Variants in ABL1 observed in about 807,000 individuals in gnomAD.
ABL1 encodes the protein ABL proto-oncogene 1, non-receptor tyrosine kinase, also known as tyrosine-protein kinase ABL1.
A neutral mutation model predicts 94.7 loss-of-function variants in ABL1; 11 were observed. That is an observed-to-expected ratio of 0.12 (90% confidence interval 0.07 to 0.19). The LOEUF (loss-of-function observed/expected upper bound fraction) is 0.19. Ranked by LOEUF, ABL1 falls within the 10% of genes least tolerant of loss-of-function variation. The pLI is 1.00. For synonymous variants in ABL1, 656 were observed against 622.4 expected, an observed-to-expected ratio of 1.05 and a Z score of -0.80; for missense variants, 1,082 against 1,489.4, an observed-to-expected ratio of 0.73 and a Z score of 4.50.
intron 1 of ABL1, among the ~76,000 whole-genome samples, chr9:130,742,169 C>T (rs2583840): frequency 0.52 from 78,939 of 151,778 alleles, 22,095 homozygotes; most frequent in African/African-American, 0.73. Context: ...GGATGGCTGT[C>T]TGTGAGGAGT....
At chr9:130,864,313 T>A (rs2132976592) in intron 4 of ABL1, among the ~76,000 whole-genome samples, 1 of 152,310 alleles carries the variant, frequency 6.6e-6, no homozygotes, top group African/African-American at 2.4e-5. Context: ...TGGCATGATC[T>A]CAGCTCACTG....
intron 1 of ABL1, among the ~76,000 whole-genome samples, chr9:130,815,771 C>T (rs1054875884): frequency 1.3e-5 from 2 of 152,172 alleles, no homozygotes; most frequent in African/African-American, 4.8e-5. Context: ...CCTGTAATCC[C>T]AGCACTTTGG....
At chr9:130,839,124 T>C (rs927535035) in intron 1 of ABL1, among the ~76,000 whole-genome samples, 3 of 151,732 alleles carry the variant, frequency 2.0e-5, no homozygotes, top group African/African-American at 7.3e-5. Context: ...TTTTTACTAG[T>C]TTGCCCGGGC....
chr9:130,721,097 G>A (rs1831508605), intron 1 of ABL1, among the ~76,000 whole-genome samples: 1 of 152,038 alleles, frequency 6.6e-6, no homozygotes, highest in Admixed American at 6.6e-5. Context: ...CAACACTGTA[G>A]GCCGGGCGCT....
chr9:130,809,263 A>G (rs898515140), intron 1 of ABL1, among the ~76,000 whole-genome samples: 1 of 152,158 alleles, frequency 6.6e-6, no homozygotes, highest in Non-Finnish European at 1.5e-5. Context: ...AGAGAGAACC[A>G]TTTACGGAGT....
intron 4 of ABL1, among the ~76,000 whole-genome samples, chr9:130,870,745 A>T (rs574994088): frequency 1.3e-5 from 2 of 152,312 alleles, no homozygotes; most frequent in Admixed American, 6.5e-5. Context: ...TTTAATTGAC[A>T]TTAAGAGCAG....
intron 1 of ABL1, among the ~76,000 whole-genome samples, chr9:130,728,381 T>C (rs1013459164): frequency 1.3e-5 from 2 of 149,932 alleles, no homozygotes; most frequent in Non-Finnish European, 3.0e-5. Flanking sequence ...TTTTTTTTTT[T>C]TTCTTTTCTT....
At chr9:130,764,274 C>T (rs1203504597) in intron 1 of ABL1, among the ~76,000 whole-genome samples, 2 of 152,178 alleles carry the variant, frequency 1.3e-5, no homozygotes, top group Non-Finnish European at 2.9e-5. Flanking sequence ...GCCGAGTTTT[C>T]TGGAGTGCGT....
At chr9:130,751,082 G>A (rs1303515741) in intron 1 of ABL1, among the ~76,000 whole-genome samples, 3 of 122,446 alleles carry the variant, frequency 2.5e-5, no homozygotes. Flanking sequence ...ATACATAAAT[G>A]TTATCATTTT....
intron 7 of ABL1, among the ~76,000 whole-genome samples, chr9:130,877,945 T>C (rs1366722411): frequency 2.0e-5 from 3 of 151,804 alleles, no homozygotes; most frequent in Admixed American, 6.6e-5. Flanking sequence ...CCCGAGTAGC[T>C]GGGACTATAG....
chr9:130,728,564 G>GT (rs540825931), intron 1 of ABL1, among the ~76,000 whole-genome samples: 38 of 150,678 alleles, frequency 2.5e-4, no homozygotes, highest in African/African-American at 8.3e-4. Context: ...TTTTTTGTAT[G>GT]TTTTTTTAGA....
chr9:130,740,819 A>ATTTTTTTTTTTTTT (rs34323373), intron 1 of ABL1, among the ~76,000 whole-genome samples: 1 of 97,812 alleles, frequency 1.0e-5, no homozygotes, highest in African/African-American at 4.1e-5. Context: ...CCACACCCAG[A>ATTTTTTTTTTTTTT]TTTTTTTTTT....
At chr9:130,795,840 T>C (rs918729150) in intron 1 of ABL1, among the ~76,000 whole-genome samples, 4 of 152,268 alleles carry the variant, frequency 2.6e-5, no homozygotes. Context: ...CTCTGACTTT[T>C]CTAAAACAAG....
intron 1 of ABL1, among the ~76,000 whole-genome samples, chr9:130,823,449 A>C (rs576749749): frequency 1.3e-4 from 20 of 152,318 alleles, no homozygotes; most frequent in African/African-American, 4.8e-4. Flanking sequence ...CAGACCCAAA[A>C]TAGGAGCAAT....
At chr9:130,779,289 C>T (rs553942315) in intron 1 of ABL1, among the ~76,000 whole-genome samples, 25 of 152,198 alleles carry the variant, frequency 1.6e-4, no homozygotes, top group African/African-American at 4.6e-4. Flanking sequence ...GTTAGGGCAA[C>T]GAAGATCCAC....
chr9:130,721,617 G>A (rs746015570), intron 1 of ABL1, among the ~76,000 whole-genome samples: 10 of 152,066 alleles, frequency 6.6e-5, no homozygotes, highest in Non-Finnish European at 1.3e-4. Flanking sequence ...GGCTAAAGTG[G>A]GAGAATCACC....
rs372633613 is a variant in ABL1, at chr9:130,887,351, G to C, written c.*1668G>C. On this transcript the variant is annotated 3_prime_UTR_variant, in exon 11 of 11. Transcript: ENST00000318560. ...CAGCCGGAGGGAGGCACTAGTCACC[G>C]ACAGCGGCCTTGAAGACAGAGCAAA... is the stretch of plus-strand genomic sequence containing the variant. 4.3e-6 allele frequency: 1 copy of C among 233,238 alleles called. No homozygotes were observed. Among genetic ancestry groups the C allele is most frequent in the African/African-American group, 2.2e-5 (1 of 45,354 alleles). 14.4% of individuals were successfully genotyped at this position (233,238 alleles called of 1,614,324 possible).
intron 1 of ABL1, among the ~76,000 whole-genome samples, chr9:130,727,112 G>A (rs550733737): frequency 6.6e-6 from 1 of 152,144 alleles, no homozygotes; most frequent in Non-Finnish European, 1.5e-5. Flanking sequence ...ATTTGTAGTT[G>A]AAAAAAGTTT....
chr9:130,878,022 C>G (rs11244174), intron 7 of ABL1, among the ~76,000 whole-genome samples: 26,903 of 151,758 alleles, frequency 0.18, 3,643 homozygotes, highest in African/African-American at 0.39. Context: ...ACCATGTTAG[C>G]CAGGATGGTC....
Sources: gnomAD v4.1 joint callset for allele counts (sites outside exome capture counted in the v4.1 genomes callset) on GRCh38, gnomAD v4.1.1 for gene constraint, MANE v1.5 for transcripts, NCBI Gene and HGNC (gene_info 2026-07-23, HGNC 2026-07-21) for gene names.